Variants in CHID1 observed in about 807,000 individuals in gnomAD.
CHID1 encodes the protein chitinase domain containing 1.
In CHID1, 44 loss-of-function variants were observed where a neutral mutation model predicts 55.4. The observed-to-expected ratio is 0.79, with a 90% confidence interval of 0.62 to 1.02. The LOEUF (loss-of-function observed/expected upper bound fraction) is 1.02. Ranked by LOEUF, CHID1 falls within the 50% of genes least tolerant of loss-of-function variation. The pLI, the probability that CHID1 is intolerant of heterozygous loss-of-function variation, is 0.00. For synonymous variants in CHID1, 216 were observed against 212.9 expected, an observed-to-expected ratio of 1.01 and a Z score of -0.13; for missense variants, 491 against 515.3, an observed-to-expected ratio of 0.95 and a Z score of 0.46.
chr11:888,415 G>C (rs929920926), intron 8 of CHID1, among the ~76,000 whole-genome samples: 1 of 152,176 alleles, frequency 6.6e-6, no homozygotes, highest in African/African-American at 2.4e-5. Context: ...CCACTGCCAG[G>C]TGTCCTCCCC....
upstream of CHID1, chr11:915,100 A>G (rs1237667586): frequency 6.5e-6 from 1 of 153,776 alleles, no homozygotes; most frequent in Non-Finnish European, 1.4e-5. Context: ...GGACGGAGAC[A>G]TCCTCTCTGG....
At chr11:878,060 A>G (rs1030831880) in intron 10 of CHID1, among the ~76,000 whole-genome samples, 1 of 152,238 alleles carries the variant, frequency 6.6e-6, no homozygotes, top group Non-Finnish European at 1.5e-5. Flanking sequence ...CGGAGTCCCT[A>G]CCAGCAAGAA....
At chr11:900,139 C>T in intron 5 of CHID1, 29 bp from the exon 6 acceptor site, 1 of 1,566,116 alleles carries the variant, frequency 6.4e-7, no homozygotes, top group Non-Finnish European at 8.8e-7. Flanking sequence ...CACACGGGGG[C>T]CGTGACTGGG....
intron 8 of CHID1, among the ~76,000 whole-genome samples, chr11:890,933 T>C (rs1422201012): frequency 1.2e-4 from 18 of 152,202 alleles, no homozygotes; most frequent in African/African-American, 3.9e-4. Flanking sequence ...CCAGGGGCCA[T>C]TGTTCCACAG....
intron 4 of CHID1, 129 bp downstream of exon 4, chr11:902,069 G>A (rs1565199238): frequency 2.0e-6 from 2 of 978,604 alleles, no homozygotes; most frequent in Non-Finnish European, 3.1e-6. Flanking sequence ...ATCACGCAGA[G>A]ACACACACAC....
chr11:910,948 GC>G (rs1852639544), upstream of CHID1: 1 of 403,492 alleles, frequency 2.5e-6, no homozygotes, highest in Non-Finnish European at 3.3e-6. Flanking sequence ...CGGGGCCGGG[GC>G]CGGGGCCGGG....
intron 7 of CHID1, among the ~76,000 whole-genome samples, chr11:894,107 G>A (rs1289258165): frequency 8.7e-6 from 1 of 114,560 alleles, no homozygotes; most frequent in African/African-American, 3.3e-5. Context: ...GGGCTGAAGA[G>A]CATGACTCTG....
chr11:868,263 G>A lies in CHID1; in HGVS notation c.*1595C>T, dbSNP rs1848976365. 6.6e-6 allele frequency: 1 copy of A among 151,966 alleles called. No homozygotes were observed. The highest frequency in any genetic ancestry group is 2.1e-4 in the South Asian group (1 of 4,814). The allele number at this position is 151,966 out of a possible 1,614,324, so 9.4% of individuals were successfully genotyped here. ...ACAAGGTCAGTGCCCCAAAGCCAGT[G>A]GCAGCTTGTGTTTTTTTAGACAAGG... is the stretch of plus-strand genomic sequence containing the variant. On this transcript the variant is annotated 3_prime_UTR_variant, in exon 13 of 13. Transcript: ENST00000323578.
At chr11:870,044 T>A in intron 12 of CHID1, 77 bp downstream of exon 12, 1 of 1,608,376 alleles carries the variant, frequency 6.2e-7, no homozygotes, top group Non-Finnish European at 8.5e-7. Context: ...CAGCACCGCC[T>A]GGACCCCAGG....
In CHID1 at chr11:869,598, G is replaced by A. The variant is rs946797594; in HGVS notation, c.*260C>T. ...TGGTGGGGCAGGTACTGTGGGCCCC[G>A]CCTGCCCAGCTGACAGGAGGCAGCC... On this transcript the variant is annotated 3_prime_UTR_variant, in exon 13 of 13. Coordinates refer to ENST00000323578, the MANE Select transcript of CHID1 (RefSeq NM_023947.4). 41 of 569,534 alleles carry A rather than the reference G, an allele frequency of 7.2e-5. No individual in the cohort carries two copies. Among genetic ancestry groups the A allele is most frequent in the Non-Finnish European group, 8.2e-5 (26 of 318,524 alleles). 35.3% of individuals were successfully genotyped at this position (569,534 alleles called of 1,614,324 possible).
In CHID1 at chr11:907,957, C is replaced by T. The variant is rs190892311; in HGVS notation, c.-44+2818G>A. ...CGTCCCCTTGACCTGCTTTCTTCTGCAGAGGCACACGCTGCCCCACTTTGC... is the reference window on the plus strand; with the variant it reads ...CGTCCCCTTGACCTGCTTTCTTCTGTAGAGGCACACGCTGCCCCACTTTGC... On this transcript the variant is annotated intron_variant, in intron 1 of 12. Coordinates refer to ENST00000323578, the MANE Select transcript of CHID1 (RefSeq NM_023947.4). Among the ~76,000 whole-genome samples, 19 of 152,354 alleles carry T rather than the reference C, an allele frequency of 1.2e-4. No homozygotes were observed. The East Asian group carries it at 3.7e-3, about 29-fold the overall frequency.
chr11:893,473 C>A lies in CHID1; in HGVS notation c.655G>T (p.Ala219Ser). The change falls in exon 8 of 13, where the codon GCC becomes TCC. Residue 219 changes from alanine to serine, a missense_variant. Ala to Ser is a moderately conservative substitution (Grantham distance 99). Transcript: ENST00000323578. ...LTHLAEALHQARLLALLVIPP... is the reference protein window; with the variant it reads ...LTHLAEALHQSRLLALLVIPP... ...ATGACCAGGAGGGCCAGCAGCCGGG[C>A]CTGGTGCAGAGCCTCGGCCAAGTGG... 1 of 1,551,920 alleles carries A rather than the reference C, an allele frequency of 6.4e-7. No individual in the cohort carries two copies. Among genetic ancestry groups the A allele is most frequent in the Non-Finnish European group, 8.7e-7 (1 of 1,147,298 alleles).
intron 4 of CHID1, among the ~76,000 whole-genome samples, chr11:901,249 A>G (rs1478596706): frequency 2.6e-5 from 4 of 152,136 alleles, no homozygotes; most frequent in Non-Finnish European, 4.4e-5. Flanking sequence ...GGGACAGCTC[A>G]GAGCCTGTGG....
chr11:906,387 T>C (rs1037782351), intron 1 of CHID1, among the ~76,000 whole-genome samples: 1 of 152,044 alleles, frequency 6.6e-6, no homozygotes, highest in Admixed American at 6.6e-5. Flanking sequence ...TATAGGCGCG[T>C]GCCACCACAT....
chr11:914,303 C>G (rs972837598), upstream of CHID1: 8 of 227,300 alleles, frequency 3.5e-5, no homozygotes, highest in African/African-American at 1.2e-4. Context: ...GCCCTCCTTA[C>G]CCGGGGTGGG....
intron 8 of CHID1, among the ~76,000 whole-genome samples, chr11:890,268 C>T (rs1351198263): frequency 1.3e-5 from 2 of 152,132 alleles, no homozygotes; most frequent in African/African-American, 4.8e-5. Flanking sequence ...CGCGGCCTGC[C>T]CCATCCCCTG....
chr11:879,354 C>A (rs1849729748), intron 10 of CHID1, among the ~76,000 whole-genome samples: 2 of 152,158 alleles, frequency 1.3e-5, no homozygotes, highest in Admixed American at 6.5e-5. Flanking sequence ...GGACCACAGG[C>A]CTGAGCCTGC....
chr11:905,364 T>G (rs1339357546), intron 1 of CHID1, among the ~76,000 whole-genome samples: 1 of 152,162 alleles, frequency 6.6e-6, no homozygotes, highest in Admixed American at 6.5e-5. Flanking sequence ...CATAGTGAGA[T>G]CCTACAAAAA....
chr11:910,672 T>A (rs1287122091), intron 1 of CHID1, 103 bp downstream of exon 1: 5 of 1,268,736 alleles, frequency 3.9e-6, no homozygotes, highest in Non-Finnish European at 4.1e-6. Flanking sequence ...CCCACGCCCG[T>A]CCTCCCGGGG....
Sources: allele counts gnomAD v4.1 joint callset (sites outside exome capture counted in the v4.1 genomes callset), GRCh38; gene constraint gnomAD v4.1.1; transcripts MANE v1.5; gene names NCBI Gene and HGNC (gene_info 2026-07-23, HGNC 2026-07-21).